The following RIOK2 variants were observed in gnomAD, a reference collection of about 807,000 sequenced individuals.
RIOK2 encodes serine/threonine-protein kinase RIO2.
In RIOK2, 46 loss-of-function variants were observed where a neutral mutation model predicts 62.4. The ratio of observed to expected loss-of-function variants is 0.74; its 90% CI spans 0.58 to 0.94. The LOEUF (loss-of-function observed/expected upper bound fraction) is 0.94, where lower values mean the gene tolerates loss of function less well. Ranked by LOEUF, RIOK2 falls within the 40% of genes least tolerant of loss-of-function variation. The pLI is 0.00. For missense variants in RIOK2, 574 were observed against 658.0 expected (o/e 0.87, Z 1.40); for synonymous variants, 197 against 216.0 (o/e 0.91, Z 0.77).
intron 2 of RIOK2, among the ~76,000 whole-genome samples, chr5:97,178,483 A>ATGCTCTTCTGCAGTGCTCTACC (rs1749235608): frequency 6.8e-6 from 1 of 147,678 alleles, no homozygotes; most frequent in Non-Finnish European, 1.5e-5. Context: ...CAGTACCTAC[A>ATGCTCTTCTGCAGTGCTCTACC]TGCTCTTCTG....
At chr5:97,165,931 T>C (rs1368593315) in intron 8 of RIOK2, among the ~76,000 whole-genome samples, 1 of 152,218 alleles carries the variant, frequency 6.6e-6, no homozygotes, top group African/African-American at 2.4e-5. Context: ...AAACTGAGTA[T>C]AGCAGATTGC....
chr5:97,161,669 T>C lies in RIOK2; in HGVS notation c.*1392A>G, dbSNP rs1748704540. 1 of 152,164 alleles carries C rather than the reference T, an allele frequency of 6.6e-6. No homozygotes were observed. The highest frequency in any genetic ancestry group is 1.5e-5 in the Non-Finnish European group (1 of 68,018). The allele number at this position is 152,164 out of a possible 1,614,324, so 9.4% of individuals were successfully genotyped here. A position where few individuals can be genotyped will look rare whatever the true frequency, so the allele number is the denominator to read the frequency against. Reference sequence around the variant, plus strand: ...TAATAGTAATGGGCTTTTTATGTAGTAGATACTCAAAAGTCAACTGAGTCA... The same window carrying C: ...TAATAGTAATGGGCTTTTTATGTAGCAGATACTCAAAAGTCAACTGAGTCA... On this transcript the variant is annotated 3_prime_UTR_variant, in exon 10 of 10. Transcript: ENST00000283109.
rs1322833133 is a variant in RIOK2 at position 97,161,576 on chromosome 5, A to C, written c.*1485T>G. ...AAGGCCTCCATTTCTGATTGGAATA[A>C]TTAATTCCTTGGCCCACAAGAAATC... On this transcript the variant is annotated 3_prime_UTR_variant, in exon 10 of 10. Transcript: ENST00000283109. 3.9e-5 allele frequency: 6 copies of C among 152,210 alleles called. No homozygotes were observed. Among genetic ancestry groups the C allele is most frequent in the African/African-American group, 1.2e-4 (5 of 41,456 alleles). 9.4% of individuals were successfully genotyped at this position (152,210 alleles called of 1,614,324 possible).
intron 1 of RIOK2, 180 bp downstream of exon 1, chr5:97,182,946 A>G: frequency 1.4e-6 from 1 of 731,650 alleles, no homozygotes. Context: ...GGGGAAGGTA[A>G]GCTCCCAAAC....
intron 4 of RIOK2, among the ~76,000 whole-genome samples, chr5:97,174,877 A>T (rs574471914): frequency 1.3e-5 from 2 of 152,038 alleles, no homozygotes; most frequent in Non-Finnish European, 2.9e-5. Context: ...GTTTGAGAGC[A>T]GCCTGGGCAA....
At chr5:97,177,428 A>G (rs1247577326) in intron 3 of RIOK2, 137 bp from the exon 4 acceptor site, 5 of 811,244 alleles carry the variant, frequency 6.2e-6, no homozygotes, top group Non-Finnish European at 9.3e-6. Flanking sequence ...TCCTTATCCA[A>G]AACCTTCGGA....
Position 97,163,214 on chromosome 5 carries a change from T to C in RIOK2, c.1506A>G (p.Lys502=), listed in dbSNP as rs751337943. The C allele has an allele frequency of 6.2e-7, 1 of 1,613,250 alleles. No homozygotes were observed. Among genetic ancestry groups the C allele is most frequent in the Admixed American group, 1.7e-5 (1 of 59,956 alleles). The change falls in exon 10 of 10, where the codon AAA becomes AAG. Residue 502 remains lysine, a synonymous_variant. Transcript: ENST00000283109. ...TTGTCAACTGACGTTTCACCTTCTG[T>C]TTCACCAGTTCCTGGAAAGATTTCA... ...SCSTIPPELV[K]QKVKRQLTKQ...
At chr5:97,181,690 G>A (rs1003064046) in intron 1 of RIOK2, among the ~76,000 whole-genome samples, 1 of 152,180 alleles carries the variant, frequency 6.6e-6, no homozygotes, top group African/African-American at 2.4e-5. Context: ...TCATTTTGAT[G>A]TCTCACCAAA....
chr5:97,163,072 A>C lies in RIOK2; in HGVS notation c.1648T>G (p.Trp550Gly). ...AGATCCTAAATATATTATTCTCCCCAAAAGCTGGCTGCTTCCAAACTTGAT... is the reference window on the plus strand; with the variant it reads ...AGATCCTAAATATATTATTCTCCCCCAAAGCTGGCTGCTTCCAAACTTGAT... ...IKSSLEAASF[W>G]GE The change falls in exon 10 of 10, where the codon TGG becomes GGG. Residue 550 changes from tryptophan (W) to glycine (G), a missense_variant. Coordinates refer to ENST00000283109, the MANE Select transcript of RIOK2 (RefSeq NM_018343.3). 1.2e-6 allele frequency: 2 copies of C among 1,611,706 alleles called. No homozygotes were observed. The highest frequency in any genetic ancestry group is 1.7e-6 in the Non-Finnish European group (2 of 1,178,742).
At chr5:97,175,970 G>A (rs545737819) in intron 4 of RIOK2, 2 of 151,876 alleles carry the variant, frequency 1.3e-5, no homozygotes, top group South Asian at 2.1e-4. Flanking sequence ...TATAAATGTA[G>A]TCCGCCAGTG....
At chr5:97,176,400 G>A (rs1205553638) in intron 4 of RIOK2, among the ~76,000 whole-genome samples, 1 of 152,116 alleles carries the variant, frequency 6.6e-6, no homozygotes, top group Non-Finnish European at 1.5e-5. Context: ...TGAGTGCAGT[G>A]GCACAATCTT....
intron 4 of RIOK2, among the ~76,000 whole-genome samples, chr5:97,175,044 TGA>T (rs1016085677): frequency 1.1e-4 from 16 of 151,804 alleles, no homozygotes; most frequent in African/African-American, 3.4e-4. Flanking sequence ...GGTGACAGAG[TGA>T]GACCTTGTCT....
rs753521669 is a variant in RIOK2 at position 97,168,794 on chromosome 5, C to T, written c.838G>A (p.Glu280Lys). 17 of 1,601,112 alleles carry T rather than the reference C, an allele frequency of 1.1e-5. No individual in the cohort carries two copies. In the Admixed American group the frequency reaches 1.6e-4, roughly 15 times the overall value. Residue 280 changes from glutamate to lysine, a missense_variant, in exon 7 of 10, where the codon GAA (glutamate) becomes AAA (lysine). Coordinates refer to ENST00000283109, the MANE Select transcript of RIOK2 (RefSeq NM_018343.3). ...TTAAAAGTTGGAAAAAGCTCACTTT[C>T]GTAGCTGAAACGTTTCATAAAGAAA... Reference protein sequence around the residue: ...KDFFMKRFSYESELFPTFKDI... With the variant: ...KDFFMKRFSYKSELFPTFKDI...
intron 1 of RIOK2, 105 bp downstream of exon 1, chr5:97,183,021 C>A: frequency 8.2e-7 from 1 of 1,221,086 alleles, no homozygotes. Flanking sequence ...CTGCCACGTC[C>A]CGGGTCCCAG....
chr5:97,167,315 A>G, intron 8 of RIOK2, 152 bp downstream of exon 8: 1 of 1,449,024 alleles, frequency 6.9e-7, no homozygotes, highest in Admixed American at 2.8e-5. Context: ...TTGAGTTTTT[A>G]ACAACAAAAA....
rs1473244230 is a variant in RIOK2, at chr5:97,178,441, TTGCTCTTCTGCAGTACCTACA to T, written c.205+593_206-594del. On this transcript the variant is annotated intron_variant, in intron 2 of 9. Coordinates refer to ENST00000283109, the MANE Select transcript of RIOK2 (RefSeq NM_018343.3). The stretch of plus-strand genomic sequence containing the variant: ...CTACATGCTTTTCTGCAGTACCTAC[TTGCTCTTCTGCAGTACCTACA>T]TGCTCTTCTGCAGTACCTACATGCT... Among the ~76,000 whole-genome samples the T allele has an allele frequency of 2.3e-3, 230 of 101,862 alleles. 1 individual carries two copies. Among genetic ancestry groups the T allele is most frequent in the African/African-American group, 7.4e-3 (209 of 28,222 alleles). The allele number at this position is 101,862 out of a possible 152,430, so 66.8% of individuals were successfully genotyped here.
chr5:97,183,129 G>C lies in RIOK2; in HGVS notation c.63C>G (p.Thr21=), dbSNP rs778312578. 1 of 1,614,050 alleles carries C rather than the reference G, an allele frequency of 6.2e-7. No homozygotes were observed. The highest frequency in any genetic ancestry group is 2.2e-5 in the East Asian group (1 of 44,864). ...YMSRDDFRVL[T]AVEMGMKNHE... is the part of the protein sequence containing the mutation. ...ACAGGAACGGCGGGTTTCTTACCGC[G>C]GTCAAGACCCTGAAGTCATCTCGGC... Residue 21 remains threonine (T), a synonymous_variant, in exon 1 of 10, where the codon ACC becomes ACG. Transcript: ENST00000283109.
intron 2 of RIOK2, among the ~76,000 whole-genome samples, chr5:97,178,116 C>A (rs958855676): frequency 2.6e-5 from 4 of 152,110 alleles, no homozygotes; most frequent in African/African-American, 9.7e-5. Context: ...TCAATTTGAC[C>A]TAGAATTTAT....
Position 97,167,529 on chromosome 5 carries a change from A to T in RIOK2, c.1335T>A (p.Tyr445Ter). ...QGGVPAGSDE[Y>*]EDECPHLIAL... is the part of the protein sequence containing the mutation. The stretch of plus-strand genomic sequence containing the variant: ...CAATTAGATGAGGGCATTCATCTTC[A>T]TACTCGTCAGAGCCAGCAGGGACTC... Residue 445 changes from tyrosine (Y) to a stop codon, truncating the protein, a stop_gained, in exon 8 of 10, where the codon TAT (tyrosine) becomes TAA (stop). Transcript: ENST00000283109. LOFTEE classifies it high-confidence loss of function. 6.2e-7 allele frequency: 1 copy of T among 1,614,182 alleles called. No individual in the cohort carries two copies. Among genetic ancestry groups the T allele is most frequent in the Non-Finnish European group, 8.5e-7 (1 of 1,180,012 alleles).
Sources: gnomAD v4.1 joint callset for allele counts (sites outside exome capture counted in the v4.1 genomes callset) on GRCh38, gnomAD v4.1.1 for gene constraint, MANE v1.5 for transcripts, NCBI Gene and HGNC (gene_info 2026-07-23, HGNC 2026-07-21) for gene names.